The following CNTNAP2 variants were observed in gnomAD, a reference collection of about 807,000 sequenced individuals.
CNTNAP2 encodes contactin associated protein 2, also known as contactin-associated protein-like 2.
A neutral mutation model predicts 155.2 loss-of-function variants in CNTNAP2; 98 were observed. That is an observed-to-expected ratio of 0.63 (90% CI 0.54 to 0.75). The LOEUF (loss-of-function observed/expected upper bound fraction) is 0.75. CNTNAP2 is among the 30% of genes least tolerant of loss of function. The pLI, the probability that CNTNAP2 is intolerant of heterozygous loss-of-function variation, is 0.00. For missense variants in CNTNAP2, 1,727 were observed against 1,688.1 expected (o/e 1.02, Z -0.40); for synonymous variants, 651 against 631.2 (o/e 1.03, Z -0.47).
intron 20 of CNTNAP2, among the ~76,000 whole-genome samples, chr7:148,242,843 T>G (rs1163831254): frequency 6.6e-6 from 1 of 152,268 alleles, no homozygotes; most frequent in African/African-American, 2.4e-5. Context: ...CACAAATTCT[T>G]CCTGCTTTCT....
chr7:148,148,369 C>T (rs1022226601), intron 17 of CNTNAP2, among the ~76,000 whole-genome samples: 3 of 152,214 alleles, frequency 2.0e-5, no homozygotes, highest in South Asian at 2.1e-4. Context: ...ACTTCAAATT[C>T]ATACCTGCTT....
At chr7:147,424,583 T>C (rs1279613249) in intron 10 of CNTNAP2, among the ~76,000 whole-genome samples, 1 of 152,130 alleles carries the variant, frequency 6.6e-6, no homozygotes, top group African/African-American at 2.4e-5. Flanking sequence ...CTGCTTCCTG[T>C]CTACACCTAC....
chr7:146,853,800 G>C (rs921952076), intron 3 of CNTNAP2, among the ~76,000 whole-genome samples: 2 of 152,114 alleles, frequency 1.3e-5, no homozygotes, highest in African/African-American at 2.4e-5. Flanking sequence ...CTTGACTATT[G>C]AATGTATTTA....
rs570078770 is a variant in CNTNAP2, at chr7:147,454,441, T to C, written c.1671-31494T>C. On this transcript the variant is annotated intron_variant, in intron 10 of 23. Coordinates refer to ENST00000361727, the MANE Select transcript of CNTNAP2 (RefSeq NM_014141.6). ...ATTTTGTGATTTTCTTTATTTTGTC[T>C]TATAATTACAGTTTGGGATATATAT... Among the ~76,000 whole-genome samples the C allele has an allele frequency of 4.1e-4, 62 of 152,316 alleles. 1 individual carries two copies. The highest frequency in any genetic ancestry group is 1.4e-3 in the African/African-American group (59 of 41,576).
At chr7:147,469,664 GCC>G in intron 10 of CNTNAP2, among the ~76,000 whole-genome samples, 1 of 151,520 alleles carries the variant, frequency 6.6e-6, no homozygotes, top group East Asian at 2.0e-4. Flanking sequence ...GACTACAGGC[GCC>G]CGCCACCACG....
At chr7:148,289,506 T>C (rs10215983) in intron 21 of CNTNAP2, among the ~76,000 whole-genome samples, 82,970 of 147,422 alleles carry the variant, frequency 0.56, 23,588 homozygotes, top group East Asian at 0.78. Flanking sequence ...CCAACTTACT[T>C]GGTTTTTTTC....
chr7:146,466,072 G>A (rs1241285233), intron 1 of CNTNAP2, among the ~76,000 whole-genome samples: 6 of 152,094 alleles, frequency 3.9e-5, no homozygotes, highest in Admixed American at 2.0e-4. Flanking sequence ...ATAAAAGCTC[G>A]TTGGGTTCTA....
At chr7:148,326,436 C>T (rs1468265754) in intron 21 of CNTNAP2, among the ~76,000 whole-genome samples, 1 of 152,162 alleles carries the variant, frequency 6.6e-6, no homozygotes, top group Non-Finnish European at 1.5e-5. Context: ...GGTCTCTCTT[C>T]GTTACCATCT....
chr7:148,328,402 C>T (rs1797927798), intron 21 of CNTNAP2, among the ~76,000 whole-genome samples: 1 of 152,152 alleles, frequency 6.6e-6, no homozygotes, highest in South Asian at 2.1e-4. Flanking sequence ...ATCAATTGAT[C>T]ATTTGGGGCC....
At chr7:146,133,265 T>C (rs934013545) in intron 1 of CNTNAP2, among the ~76,000 whole-genome samples, 4 of 152,126 alleles carry the variant, frequency 2.6e-5, no homozygotes, top group African/African-American at 9.7e-5. Flanking sequence ...GAGTTGTTTG[T>C]TTTTTTCTTG....
At chr7:146,296,833 A>G (rs1306475477) in intron 1 of CNTNAP2, among the ~76,000 whole-genome samples, 1 of 152,148 alleles carries the variant, frequency 6.6e-6, no homozygotes, top group Non-Finnish European at 1.5e-5. Flanking sequence ...AGTTGCATAA[A>G]TTATATATAT....
At chr7:146,589,732 G>C (rs1049892047) in intron 1 of CNTNAP2, among the ~76,000 whole-genome samples, 6 of 140,948 alleles carry the variant, frequency 4.3e-5, no homozygotes, top group African/African-American at 1.5e-4. Flanking sequence ...ATGTATCCCA[G>C]AATGTAGAGT....
intron 1 of CNTNAP2, among the ~76,000 whole-genome samples, chr7:146,225,491 G>C (rs1226385205): frequency 6.6e-6 from 1 of 152,122 alleles, no homozygotes; most frequent in Non-Finnish European, 1.5e-5. Context: ...GGAAATCCTA[G>C]AACACGTAGA....
intron 2 of CNTNAP2, among the ~76,000 whole-genome samples, chr7:146,777,682 G>A (rs754210228): frequency 6.6e-6 from 1 of 151,912 alleles, no homozygotes; most frequent in African/African-American, 2.4e-5. Context: ...TTCTGCCTCA[G>A]CCACACAAGT....
chr7:147,279,442 C>A (rs1475956289), intron 8 of CNTNAP2, among the ~76,000 whole-genome samples: 2 of 151,678 alleles, frequency 1.3e-5, no homozygotes, highest in Admixed American at 1.3e-4. Flanking sequence ...GTTTTATTGT[C>A]AGTACTCTTC....
At chr7:147,558,471 A>G (rs1399612543) in intron 11 of CNTNAP2, among the ~76,000 whole-genome samples, 1 of 152,174 alleles carries the variant, frequency 6.6e-6, no homozygotes, top group Non-Finnish European at 1.5e-5. Flanking sequence ...GGAGCTTGTC[A>G]TAACTGCAAA....
chr7:148,187,869 T>C (rs1322465507), intron 18 of CNTNAP2, among the ~76,000 whole-genome samples: 1 of 152,124 alleles, frequency 6.6e-6, no homozygotes, highest in East Asian at 1.9e-4. Context: ...TACAAGAGTA[T>C]GCTTGAGCAG....
intron 18 of CNTNAP2, among the ~76,000 whole-genome samples, chr7:148,179,917 G>A (rs1357501172): frequency 6.6e-6 from 1 of 152,192 alleles, no homozygotes; most frequent in East Asian, 1.9e-4. Flanking sequence ...TAGTGGGTTT[G>A]CCAAAAGCGG....
At chr7:147,108,584 A>C (rs983042138) in intron 5 of CNTNAP2, among the ~76,000 whole-genome samples, 1 of 152,204 alleles carries the variant, frequency 6.6e-6, no homozygotes, top group South Asian at 2.1e-4. Flanking sequence ...ACAGCAAGGA[A>C]CAAATAGACA....
Sources: allele counts gnomAD v4.1 joint callset (sites outside exome capture counted in the v4.1 genomes callset), GRCh38; gene constraint gnomAD v4.1.1; transcripts MANE v1.5; gene names NCBI Gene and HGNC (gene_info 2026-07-23, HGNC 2026-07-21).